FOXP1: variants seen among roughly 807,000 people sequenced by gnomAD.
FOXP1 encodes the protein forkhead box protein P1.
A neutral mutation model predicts 98.2 loss-of-function variants in FOXP1; 15 were observed. The ratio of observed to expected loss-of-function variants is 0.15; its 90% CI spans 0.10 to 0.24. The LOEUF is 0.24. Among genes scored for constraint, FOXP1 ranks in the 10% least tolerant of loss-of-function variants. The probability of loss-of-function intolerance (pLI) is 1.00; values close to 1 mark genes in which losing one functional copy is unlikely to be tolerated. For synonymous variants in FOXP1, 371 were observed against 314.5 expected, an observed-to-expected ratio of 1.18 and a Z score of -1.90; for missense variants, 633 against 848.5, an observed-to-expected ratio of 0.75 and a Z score of 3.15.
At chr3:71,299,615 T>TG (rs955977424) in intron 5 of FOXP1, among the ~76,000 whole-genome samples, 7 of 152,214 alleles carry the variant, frequency 4.6e-5, no homozygotes, top group South Asian at 4.2e-4. Flanking sequence ...TGATAATATT[T>TG]GGGGGGGAAA....
intron 5 of FOXP1, among the ~76,000 whole-genome samples, chr3:71,208,536 T>TTCTGTGCGTG (rs10529764): frequency 6.7e-6 from 1 of 149,346 alleles, no homozygotes; most frequent in Non-Finnish European, 1.5e-5. Flanking sequence ...GCATTTAAGT[T>TTCTGTGCGTG]TGTGTGTGTG....
At chr3:71,240,191 A>G (rs2067131543) in intron 5 of FOXP1, among the ~76,000 whole-genome samples, 2 of 152,274 alleles carry the variant, frequency 1.3e-5, no homozygotes, top group Admixed American at 1.3e-4. Context: ...TTTTAAAAAC[A>G]CAGTGCTAAA....
At chr3:71,381,806 G>C (rs2080200713) in intron 3 of FOXP1, among the ~76,000 whole-genome samples, 1 of 152,066 alleles carries the variant, frequency 6.6e-6, no homozygotes, top group African/African-American at 2.4e-5. Context: ...TACCAACATA[G>C]ATGCTAAGTT....
At chr3:71,126,673 A>T (rs1349068076) in intron 6 of FOXP1, among the ~76,000 whole-genome samples, 1 of 151,722 alleles carries the variant, frequency 6.6e-6, no homozygotes, top group African/African-American at 2.4e-5. Flanking sequence ...AAAATACAAA[A>T]ATTAGCCAGG....
rs140685641 is a variant in FOXP1 at position 71,039,134 on chromosome 3, G to C, written c.869+2194C>G. ...AGATAATACAAACTGAGAGATTCAA[G>C]AGATTAAGTAGTGGCATATAATTTC... On this transcript the variant is annotated intron_variant, in intron 11 of 20. Coordinates refer to ENST00000649528, the MANE Select transcript of FOXP1 (RefSeq NM_001349338.3). Among the ~76,000 whole-genome samples the C allele has an allele frequency of 2.3e-3, 357 of 151,942 alleles. 1 individual carries two copies. The highest frequency in any genetic ancestry group is 8.4e-3 in the African/African-American group (348 of 41,452).
At chr3:70,971,983 AAAAAC>A (rs2036364913) in intron 18 of FOXP1, 3 of 1,356,842 alleles carry the variant, frequency 2.2e-6, no homozygotes, top group South Asian at 2.0e-5. Flanking sequence ...AGCAGAAAAA[AAAAAC>A]AAAAGCAAGT....
intron 6 of FOXP1, among the ~76,000 whole-genome samples, chr3:71,190,585 C>T (rs1377307102): frequency 7.4e-6 from 1 of 135,064 alleles, no homozygotes; most frequent in Non-Finnish European, 1.5e-5. Context: ...GCCATGATCG[C>T]AACCCTGTAC....
chr3:71,000,754 T>C (rs2042013547), intron 13 of FOXP1, among the ~76,000 whole-genome samples: 1 of 149,112 alleles, frequency 6.7e-6, no homozygotes, highest in South Asian at 2.1e-4. Flanking sequence ...GAGCAGCAGT[T>C]CCAAAGAGTG....
Position 70,955,320 on chromosome 3 carries a change from T to G in FOXP1, c.*3927A>C, listed in dbSNP as rs1041664107. On this transcript the variant is annotated 3_prime_UTR_variant, in exon 21 of 21. Transcript: ENST00000649528. ...TCTGACTGGATGCTGGGGATGGTGT[T>G]AGAGCTGTCCAAAGGTGGCAGGACT... 2.6e-5 allele frequency: 6 copies of G among 232,898 alleles called. No individual in the cohort carries two copies. Among genetic ancestry groups the G allele is most frequent in the East Asian group, 1.8e-4 (3 of 16,562 alleles). 14.4% of individuals were successfully genotyped at this position (232,898 alleles called of 1,614,324 possible).
At chr3:71,422,617 G>A (rs1186299588) in intron 3 of FOXP1, among the ~76,000 whole-genome samples, 1 of 152,142 alleles carries the variant, frequency 6.6e-6, no homozygotes, top group African/African-American at 2.4e-5. Flanking sequence ...TCTGAAGTGT[G>A]GGGAAATAAT....
intron 3 of FOXP1, among the ~76,000 whole-genome samples, chr3:71,367,228 C>T (rs114789208): frequency 0.031 from 4,688 of 152,188 alleles, 130 homozygotes; most frequent in East Asian, 0.11. Flanking sequence ...ACTGCCTTTG[C>T]GCCTCCTCTC....
chr3:71,534,997 G>A lies in FOXP1; in HGVS notation c.-297-41442C>T, dbSNP rs146493624. On this transcript the variant is annotated intron_variant, in intron 2 of 20. Coordinates refer to ENST00000649528, the MANE Select transcript of FOXP1 (RefSeq NM_001349338.3). ...CTTGAAATTGGGAGTGTGATCTAGT[G>A]AAATCACAATGTACTCAAGCTTAAC... 5.0e-3 allele frequency among the ~76,000 whole-genome samples: 762 copies of A among 152,292 alleles called. 5 individuals carry two copies. The highest frequency in any genetic ancestry group is 7.2e-3 in the Non-Finnish European group (488 of 68,026).
intron 13 of FOXP1, 132 bp downstream of exon 13, chr3:71,000,840 A>AAAATT (rs1222705799): frequency 2.6e-6 from 1 of 379,126 alleles, no homozygotes; most frequent in Non-Finnish European, 4.7e-6. Flanking sequence ...AAAATAAAAT[A>AAAATT]AAATAAAGGA....
intron 3 of FOXP1, among the ~76,000 whole-genome samples, chr3:71,387,022 C>T (rs1450177312): frequency 6.6e-6 from 1 of 152,140 alleles, no homozygotes; most frequent in Non-Finnish European, 1.5e-5. Context: ...GTTCATTGCT[C>T]TGAGCACCAA....
rs2042901413 is a variant in FOXP1, at chr3:71,520,531, A to G, written c.-297-26976T>C. ...GATTTGAGGACATCTTTACAAGGAT[A>G]TAAGGGGGCCTTTCCCCCACATTTC... On this transcript the variant is annotated intron_variant, in intron 2 of 20. Coordinates refer to ENST00000649528, the MANE Select transcript of FOXP1 (RefSeq NM_001349338.3). Among the ~76,000 whole-genome samples, 3 of 152,236 alleles carry G rather than the reference A, an allele frequency of 2.0e-5. No homozygotes were observed. In the South Asian group the frequency reaches 6.2e-4, roughly 32 times the overall value.
intron 3 of FOXP1, among the ~76,000 whole-genome samples, chr3:71,396,973 T>TATATATGCACAC (rs2081463189): frequency 3.7e-5 from 1 of 27,382 alleles, no homozygotes; most frequent in African/African-American, 1.4e-4. Context: ...TGTGTGTATA[T>TATATATGCACAC]ATATATATGT....
intron 7 of FOXP1, chr3:71,064,741 C>T (rs908947783): frequency 1.1e-5 from 10 of 950,926 alleles, no homozygotes; most frequent in Non-Finnish European, 1.3e-5. Context: ...TCCTGCCTTC[C>T]CCAGCGAGGC....
At chr3:71,050,332 A>G (rs911699368) in intron 9 of FOXP1, among the ~76,000 whole-genome samples, 3 of 152,180 alleles carry the variant, frequency 2.0e-5, no homozygotes, top group Non-Finnish European at 4.4e-5. Flanking sequence ...TGCATTCCAA[A>G]CTATGTCTCA....
intron 3 of FOXP1, among the ~76,000 whole-genome samples, chr3:71,374,605 AT>A (rs2079583697): frequency 6.6e-6 from 1 of 151,856 alleles, no homozygotes; most frequent in South Asian, 2.1e-4. Flanking sequence ...AAAAAAAAAA[AT>A]AAAAATAAAA....
Sources: gnomAD v4.1 joint callset for allele counts (sites outside exome capture counted in the v4.1 genomes callset) on GRCh38, gnomAD v4.1.1 for gene constraint, MANE v1.5 for transcripts, NCBI Gene and HGNC (gene_info 2026-07-23, HGNC 2026-07-21) for gene names.